The following PHKB variants were observed in gnomAD, a reference collection of about 807,000 sequenced individuals.
PHKB encodes the protein phosphorylase kinase regulatory subunit beta.
In PHKB, 122 loss-of-function variants were observed where a neutral mutation model predicts 152.1. The observed-to-expected ratio is 0.80, with a 90% CI of 0.69 to 0.93. The LOEUF is 0.93. PHKB is among the 40% of genes least tolerant of loss of function. The probability of loss-of-function intolerance (pLI) is 0.00; values close to 1 mark genes in which losing one functional copy is unlikely to be tolerated. For missense variants in PHKB, 1,304 were observed against 1,328.4 expected (o/e 0.98, Z 0.29); for synonymous variants, 436 against 464.9 (o/e 0.94, Z 0.80).
chr16:47,591,731 T>G (rs776128893), intron 10 of PHKB, among the ~76,000 whole-genome samples: 1 of 152,126 alleles, frequency 6.6e-6, no homozygotes, highest in Non-Finnish European at 1.5e-5. Flanking sequence ...TGTATGCAGC[T>G]GCCTTGTGAA....
intron 14 of PHKB, among the ~76,000 whole-genome samples, chr16:47,620,014 C>T (rs1427422131): frequency 3.3e-5 from 5 of 152,158 alleles, no homozygotes; most frequent in Non-Finnish European, 5.9e-5. Flanking sequence ...TAGGAAAATA[C>T]ACCTAATACC....
At position 47,605,431 on chromosome 16, in the gene PHKB, C is replaced by G. The variant is rs184978536; in HGVS notation, c.1364-5395C>G. Reference sequence around the variant, plus strand: ...TTAATAGATTAGCATTTATGCTTTACAAGGATATAAGGTTTCTTAATTTAT... The same window carrying G: ...TTAATAGATTAGCATTTATGCTTTAGAAGGATATAAGGTTTCTTAATTTAT... On this transcript the variant is annotated intron_variant, in intron 13 of 30. Coordinates refer to ENST00000323584, the MANE Select transcript of PHKB (RefSeq NM_000293.3). 6.7e-4 allele frequency among the ~76,000 whole-genome samples: 102 copies of G among 152,244 alleles called. 2 individuals carry two copies. The highest frequency in any genetic ancestry group is 2.8e-4 in the Non-Finnish European group (19 of 68,002).
intron 4 of PHKB, 120 bp from the exon 5 acceptor site, chr16:47,511,545 T>C (rs1458975232): frequency 1.5e-5 from 11 of 734,490 alleles, no homozygotes; most frequent in Non-Finnish European, 1.9e-5. Context: ...GTTTCTGCTT[T>C]GTTCGGTCCT....
intron 14 of PHKB, among the ~76,000 whole-genome samples, chr16:47,629,737 C>T (rs182985159): frequency 6.6e-5 from 10 of 152,216 alleles, no homozygotes; most frequent in African/African-American, 1.4e-4. Context: ...ATGTTTATTG[C>T]GGCATTATTC....
At chr16:47,472,830 G>A (rs376191695) in intron 1 of PHKB, among the ~76,000 whole-genome samples, 11 of 151,918 alleles carry the variant, frequency 7.2e-5, no homozygotes, top group East Asian at 2.0e-4. Context: ...GGGATGGCTG[G>A]TTGGAGGTTG....
At chr16:47,683,513 C>G (rs575779890) in intron 26 of PHKB, among the ~76,000 whole-genome samples, 2 of 152,234 alleles carry the variant, frequency 1.3e-5, no homozygotes, top group African/African-American at 2.4e-5. Flanking sequence ...TGATCTCAGA[C>G]TGCTGTGCTA....
intron 7 of PHKB, among the ~76,000 whole-genome samples, chr16:47,554,944 C>T (rs886610013): frequency 1.3e-4 from 20 of 152,170 alleles, no homozygotes; most frequent in African/African-American, 4.1e-4. Context: ...GAGCTGCAGA[C>T]CAGAGCTGTT....
rs767387935 is a variant in PHKB at position 47,511,700 on chromosome 16, A to T, written c.441A>T (p.Thr147=). 1.2e-6 allele frequency: 2 copies of T among 1,613,426 alleles called. No individual in the cohort carries two copies. Among genetic ancestry groups the T allele is most frequent in the African/African-American group, 2.7e-5 (2 of 74,920 alleles). ...TTAAGCAGGATCCACGCCCAACAAC[A>T]TGTCTTCACTCTGTTTTCAATGTGC... ...QQFKQDPRPT[T]CLHSVFNVHT... The change falls in exon 5 of 31, where the codon ACA becomes ACT. Residue 147 remains threonine, a synonymous_variant. Transcript: ENST00000323584.
chr16:47,491,533 A>G (rs1460532920), intron 1 of PHKB, among the ~76,000 whole-genome samples: 1 of 152,196 alleles, frequency 6.6e-6, no homozygotes, highest in Non-Finnish European at 1.5e-5. Flanking sequence ...TTTAAAAAAT[A>G]TTTCATCCAA....
intron 26 of PHKB, among the ~76,000 whole-genome samples, chr16:47,684,855 C>T (rs1973934475): frequency 6.6e-6 from 1 of 151,986 alleles, no homozygotes; most frequent in Non-Finnish European, 1.5e-5. Flanking sequence ...CCCTTTTGTG[C>T]TTTTCCAGCA....
At chr16:47,619,453 A>G (rs1292858601) in intron 14 of PHKB, 1 of 152,188 alleles carries the variant, frequency 6.6e-6, no homozygotes. Context: ...TCATTATATC[A>G]TCATGTTAAT....
chr16:47,699,245 T>G lies in PHKB; in HGVS notation c.3161T>G (p.Phe1054Cys). 6.2e-7 allele frequency: 1 copy of G among 1,613,986 alleles called. No individual in the cohort carries two copies. Among genetic ancestry groups the G allele is most frequent in the Non-Finnish European group, 8.5e-7 (1 of 1,179,884 alleles). The change falls in exon 31 of 31, where the codon TTT becomes TGT. Residue 1054 changes from phenylalanine (F) to cysteine (C), a missense_variant. Transcript: ENST00000323584. ...CCTTTGTAGGATGACATGACTTCCT[T>G]TTACAACACTCCTCCCCTGGGAAAA... ...EIEKQDDMTS[F>C]YNTPPLGKRG...
At chr16:47,484,879 T>C (rs1035224924) in intron 1 of PHKB, among the ~76,000 whole-genome samples, 1 of 152,198 alleles carries the variant, frequency 6.6e-6, no homozygotes, top group African/African-American at 2.4e-5. Flanking sequence ...CATATAGCAT[T>C]TTTACAATCA....
chr16:47,522,437 CTT>C (rs1404949728), intron 6 of PHKB, among the ~76,000 whole-genome samples: 2 of 151,494 alleles, frequency 1.3e-5, no homozygotes, highest in Non-Finnish European at 2.9e-5. Flanking sequence ...CCCTTTTTTT[CTT>C]GGTCAGCCTA....
chr16:47,689,956 C>T (rs917680571), intron 27 of PHKB, among the ~76,000 whole-genome samples: 24 of 152,182 alleles, frequency 1.6e-4, no homozygotes, highest in Middle Eastern at 3.4e-3. Flanking sequence ...CAAGTTAATA[C>T]AAAACTTCAT....
At chr16:47,628,979 G>T (rs919538511) in intron 14 of PHKB, among the ~76,000 whole-genome samples, 3 of 152,142 alleles carry the variant, frequency 2.0e-5, no homozygotes. Flanking sequence ...TATGTAGAAA[G>T]CTGAAACTGG....
intron 15 of PHKB, 49 bp downstream of exon 15, chr16:47,641,139 A>T: frequency 5.1e-5 from 63 of 1,246,054 alleles, no homozygotes; most frequent in Non-Finnish European, 6.9e-5. Context: ...AGGGGAGGGG[A>T]GGGGAAATGA....
chr16:47,540,597 C>T (rs1322940121), intron 6 of PHKB, among the ~76,000 whole-genome samples: 1 of 151,916 alleles, frequency 6.6e-6, no homozygotes, highest in Non-Finnish European at 1.5e-5. Flanking sequence ...TCTCTTTGTA[C>T]TCTTTCTCTT....
chr16:47,664,946 A>G lies in PHKB; in HGVS notation c.2398A>G (p.Ile800Val), dbSNP rs1349561017. The G allele has an allele frequency of 3.1e-6, 5 of 1,613,386 alleles. No homozygotes were observed. The highest frequency in any genetic ancestry group is 1.7e-4 in the Middle Eastern group (1 of 6,060). The change falls in exon 25 of 31, where the codon ATT (isoleucine) becomes GTT (valine). Residue 800 changes from isoleucine (I) to valine (V), a missense_variant. Transcript: ENST00000323584. Reference sequence around the variant, plus strand: ...ATTTTCTTCCTCTATAGCCCCACACATTACTACTTTTCTGGTACATGGGAA... The same window carrying G: ...ATTTTCTTCCTCTATAGCCCCACACGTTACTACTTTTCTGGTACATGGGAA... ...QKFSSSIAPH[I>V]TTFLVHGKQV... is the part of the protein sequence containing the mutation.
Sources: gnomAD v4.1 joint callset for allele counts (sites outside exome capture counted in the v4.1 genomes callset) on GRCh38, gnomAD v4.1.1 for gene constraint, MANE v1.5 for transcripts, NCBI Gene and HGNC (gene_info 2026-07-23, HGNC 2026-07-21) for gene names.